The following CLIP1 variants were observed in gnomAD, a reference collection of about 807,000 sequenced individuals.
The protein encoded by CLIP1 is CAP-Gly domain-containing linker protein 1.
CLIP1 carries 66 observed loss-of-function variants against 161.6 expected under a neutral mutation model. That is an observed-to-expected ratio of 0.41 (90% confidence interval 0.33 to 0.50). The LOEUF (loss-of-function observed/expected upper bound fraction) is 0.50, where lower values mean the gene tolerates loss of function less well. Ranked by LOEUF, CLIP1 falls within the 20% of genes least tolerant of loss-of-function variation. CLIP1 has a pLI of 0.27. For missense variants in CLIP1, 1,376 were observed against 1,702.0 expected, an observed-to-expected ratio of 0.81 and a Z score of 3.37; for synonymous variants, 598 against 626.2, an observed-to-expected ratio of 0.96 and a Z score of 0.67.
chr12:122,342,311 G>T (rs1235634725), intron 10 of CLIP1: 3 of 152,292 alleles, frequency 2.0e-5, no homozygotes, highest in South Asian at 4.1e-4. Flanking sequence ...CCTCCTGAAA[G>T]AAAACATTTC....
At chr12:122,274,883 G>C (rs1266370546) in intron 24 of CLIP1, 1 of 151,658 alleles carries the variant, frequency 6.6e-6, no homozygotes, top group African/African-American at 2.4e-5. Flanking sequence ...ATGGAGTCTT[G>C]CTCTGTTGCC....
intron 5 of CLIP1, among the ~76,000 whole-genome samples, chr12:122,357,564 G>A: frequency 1.7e-5 from 1 of 60,600 alleles, no homozygotes; most frequent in African/African-American, 8.5e-5. Context: ...GGTGGGGGGG[G>A]TCAGCCCCCC....
chr12:122,325,092 T>C (rs1398754063), intron 17 of CLIP1, among the ~76,000 whole-genome samples: 2 of 150,076 alleles, frequency 1.3e-5, no homozygotes, highest in Non-Finnish European at 3.0e-5. Context: ...TCTCGCTCTA[T>C]CTATTGCCCA....
intron 1 of CLIP1, among the ~76,000 whole-genome samples, chr12:122,391,946 A>C (rs1397143213): frequency 2.0e-5 from 3 of 152,162 alleles, no homozygotes; most frequent in African/African-American, 7.2e-5. Context: ...TCTTATCACT[A>C]CACATTATTT....
chr12:122,387,694 G>A (rs112217900), intron 1 of CLIP1, among the ~76,000 whole-genome samples: 11,344 of 145,174 alleles, frequency 0.078, 1,458 homozygotes, highest in African/African-American at 0.27. Flanking sequence ...CAACCTCCTG[G>A]ACTCAAGCCA....
chr12:122,286,521 A>T (rs932971779), intron 21 of CLIP1, among the ~76,000 whole-genome samples: 112 of 39,244 alleles, frequency 2.9e-3, no homozygotes, highest in African/African-American at 0.027. Context: ...ACTCTGTCTT[A>T]AAAAAAAAAA....
At chr12:122,403,889 G>C (rs989452787) in intron 1 of CLIP1, among the ~76,000 whole-genome samples, 4 of 152,090 alleles carry the variant, frequency 2.6e-5, no homozygotes, top group African/African-American at 4.8e-5. Context: ...ATAAGATACA[G>C]AACACTCCTT....
At chr12:122,377,346 AT>A (rs1274689040) in intron 3 of CLIP1, 42 bp downstream of exon 3, 3 of 1,537,094 alleles carry the variant, frequency 2.0e-6, no homozygotes, top group Non-Finnish European at 2.7e-6. Context: ...TGGTGTTTAT[AT>A]CTCAGTTCAA....
chr12:122,395,667 TA>T (rs1380792466), intron 1 of CLIP1: 1 of 152,182 alleles, frequency 6.6e-6, no homozygotes, highest in Non-Finnish European at 1.5e-5. Context: ...GCAACACAGG[TA>T]AGCAGAGACA....
chr12:122,351,225 G>A, intron 8 of CLIP1, 82 bp from the exon 9 acceptor site: 1 of 834,892 alleles, frequency 1.2e-6, no homozygotes, highest in South Asian at 2.3e-5. Flanking sequence ...AGGGTTTCAA[G>A]ATAACTTTAT....
chr12:122,310,445 C>A (rs1458685120), intron 19 of CLIP1, among the ~76,000 whole-genome samples: 1 of 152,124 alleles, frequency 6.6e-6, no homozygotes, highest in East Asian at 1.9e-4. Flanking sequence ...AATATAGTTT[C>A]CTAATTACAT....
intron 15 of CLIP1, among the ~76,000 whole-genome samples, chr12:122,330,602 T>TTTTTTGTTTGTTTTTTG (rs1555265529): frequency 7.2e-6 from 1 of 138,274 alleles, no homozygotes; most frequent in African/African-American, 2.8e-5. Flanking sequence ...ATGCAGTTTT[T>TTTTTTGTTTGTTTTTTG]TTTTTTTTTT....
chr12:122,288,625 C>A, intron 20 of CLIP1, 84 bp from the exon 21 acceptor site: 1 of 1,180,938 alleles, frequency 8.5e-7, no homozygotes, highest in Admixed American at 2.0e-5. Flanking sequence ...ATCCCCCAGG[C>A]TCCAGGACAG....
chr12:122,309,982 T>C, intron 19 of CLIP1, 100 bp from the exon 20 acceptor site: 1 of 1,324,202 alleles, frequency 7.6e-7, no homozygotes, highest in South Asian at 1.3e-5. Context: ...TATATCTGGG[T>C]CACGTGCCTG....
At position 122,334,589 on chromosome 12, in the gene CLIP1, T is replaced by G. The variant is rs957468902; in HGVS notation, c.2626+59A>C. 43 of 1,151,682 alleles carry G rather than the reference T, an allele frequency of 3.7e-5. No homozygotes were observed. The East Asian group carries it at 9.9e-4, about 27-fold the overall frequency. 71.3% of individuals were successfully genotyped at this position (1,151,682 alleles called of 1,614,324 possible). ...AACTCTGTGCACTCCACAGGTCAGC[T>G]CCAGTATGAAAGAATGATATTTTTT... On this transcript the variant is annotated intron_variant, in intron 13 of 25. Transcript: ENST00000620786.
intron 20 of CLIP1, among the ~76,000 whole-genome samples, chr12:122,300,263 T>G (rs931250227): frequency 2.0e-5 from 3 of 151,490 alleles, no homozygotes; most frequent in Admixed American, 6.6e-5. Flanking sequence ...GAGAAAGACA[T>G]CATCGAAAAT....
In CLIP1 at chr12:122,272,169, A is replaced by G. The variant is rs934288179; in HGVS notation, c.*706T>C. 4 of 152,512 alleles carry G rather than the reference A, an allele frequency of 2.6e-5. No individual in the cohort carries two copies. The highest frequency in any genetic ancestry group is 5.9e-5 in the Non-Finnish European group (4 of 68,044). The allele number at this position is 152,512 out of a possible 1,614,324, so 9.4% of individuals were successfully genotyped here. A position where few individuals can be genotyped will look rare whatever the true frequency, so the allele number is the denominator to read the frequency against. ...ATAGATTTTTAAAAAATATATACAT[A>G]CAATATATAGAAGCTGAAATTATGC... On this transcript the variant is annotated 3_prime_UTR_variant, in exon 26 of 26. Coordinates refer to ENST00000620786, the MANE Select transcript of CLIP1 (RefSeq NM_001247997.2).
At chr12:122,405,760 C>CAA (rs201130254) in intron 1 of CLIP1, among the ~76,000 whole-genome samples, 2 of 122,616 alleles carry the variant, frequency 1.6e-5, no homozygotes, top group South Asian at 2.5e-4. Flanking sequence ...CACACTATCT[C>CAA]AAAAAAAAAA....
chr12:122,321,267 G>C (rs1303894610), intron 17 of CLIP1, among the ~76,000 whole-genome samples: 1 of 150,140 alleles, frequency 6.7e-6, no homozygotes, highest in Non-Finnish European at 1.5e-5. Flanking sequence ...CCTTGAGACA[G>C]AGTTTTTCAC....
Sources: gnomAD v4.1 joint callset for allele counts (sites outside exome capture counted in the v4.1 genomes callset) on GRCh38, gnomAD v4.1.1 for gene constraint, MANE v1.5 for transcripts, NCBI Gene and HGNC (gene_info 2026-07-23, HGNC 2026-07-21) for gene names.